The following ANKRD44 variants were observed in gnomAD, a reference collection of about 807,000 sequenced individuals.
ANKRD44 encodes the protein serine/threonine-protein phosphatase 6 regulatory ankyrin repeat subunit B.
Under a neutral mutation model 116.0 loss-of-function variants are expected in ANKRD44, and 35 were observed. The ratio of observed to expected loss-of-function variants is 0.30; its 90% CI spans 0.23 to 0.40. ANKRD44 has a LOEUF of 0.40. ANKRD44 is among the 10% of genes least tolerant of loss of function. The probability of loss-of-function intolerance (pLI) is 1.00; values close to 1 mark genes in which losing one functional copy is unlikely to be tolerated. For missense variants in ANKRD44, 1,014 were observed against 1,242.6 expected (o/e 0.82, Z 2.77); for synonymous variants, 435 against 461.8 (o/e 0.94, Z 0.74).
intron 14 of ANKRD44, 106 bp from the exon 15 acceptor site, chr2:197,081,831 C>A: frequency 1.2e-6 from 1 of 856,306 alleles, no homozygotes; most frequent in Admixed American, 2.2e-5. Context: ...TTACCCCAAC[C>A]CAAAAGAAGT....
intron 1 of ANKRD44, among the ~76,000 whole-genome samples, chr2:197,194,613 G>T (rs2080902778): frequency 6.6e-6 from 1 of 152,088 alleles, no homozygotes; most frequent in African/African-American, 2.4e-5. Context: ...TTCAGCTTCA[G>T]TTTCAACATA....
intron 1 of ANKRD44, among the ~76,000 whole-genome samples, chr2:197,292,446 T>C (rs2083599126): frequency 6.6e-6 from 1 of 152,240 alleles, no homozygotes; most frequent in Non-Finnish European, 1.5e-5. Flanking sequence ...GCTCATGTAT[T>C]TTTTAAGTGA....
chr2:197,204,281 T>A (rs2081156717), intron 1 of ANKRD44, among the ~76,000 whole-genome samples: 1 of 152,052 alleles, frequency 6.6e-6, no homozygotes, highest in East Asian at 1.9e-4. Context: ...TAGAAGAAAA[T>A]TTATAAAAAT....
intron 1 of ANKRD44, among the ~76,000 whole-genome samples, chr2:197,219,645 C>T (rs752998927): frequency 8.5e-5 from 13 of 152,088 alleles, no homozygotes; most frequent in African/African-American, 1.2e-4. Context: ...TGAAAGCAGA[C>T]GGGACCCCAA....
chr2:197,147,690 G>T lies in ANKRD44; in HGVS notation c.112-585C>A, dbSNP rs548670668. On this transcript the variant is annotated intron_variant, in intron 2 of 27. Transcript: ENST00000282272. ...GATGACTACAACAGGCCTGGTCCCT[G>T]CCCTCATGAAACTCACATTCAAGTG... Among the ~76,000 whole-genome samples, 29 of 152,038 alleles carry T rather than the reference G, an allele frequency of 1.9e-4. No homozygotes were observed. The South Asian group carries it at 5.8e-3, about 31-fold the overall frequency.
downstream of ANKRD44, among the ~76,000 whole-genome samples, chr2:196,982,087 AT>A (rs1260601592): frequency 1.0e-5 from 1 of 100,396 alleles, no homozygotes; most frequent in Non-Finnish European, 2.3e-5. Context: ...ATCTCTTCTC[AT>A]TTGTCAATAC....
At chr2:197,179,062 C>T (rs60161827) in intron 2 of ANKRD44, among the ~76,000 whole-genome samples, 43,753 of 101,570 alleles carry the variant, frequency 0.43, 7,067 homozygotes, top group African/African-American at 0.53. Context: ...CAGAGAGAGA[C>T]CCTGACTCTT....
intron 4 of ANKRD44, among the ~76,000 whole-genome samples, chr2:197,129,146 T>C (rs889114088): frequency 1.3e-5 from 2 of 151,708 alleles, no homozygotes; most frequent in Non-Finnish European, 2.9e-5. Context: ...TTTTCTTTTT[T>C]TTTTTTTTGA....
At chr2:196,972,215 A>AT (rs759418879) in intron 21 of ANKRD44, among the ~76,000 whole-genome samples, 3 of 151,962 alleles carry the variant, frequency 2.0e-5, no homozygotes, top group Non-Finnish European at 4.4e-5. Context: ...ATTTTATATT[A>AT]TTTTTTGAGA....
chr2:197,045,802 T>G (rs1018008394), intron 16 of ANKRD44, among the ~76,000 whole-genome samples: 2 of 152,174 alleles, frequency 1.3e-5, no homozygotes, highest in Non-Finnish European at 2.9e-5. Flanking sequence ...TACCTGACTC[T>G]AGACCAGTAT....
intron 3 of ANKRD44, among the ~76,000 whole-genome samples, chr2:197,142,948 T>C (rs968322054): frequency 8.1e-4 from 122 of 150,426 alleles, no homozygotes; most frequent in African/African-American, 2.8e-3. Flanking sequence ...GAGACCAGCC[T>C]GATCAACCTA....
Position 197,191,161 on chromosome 2 carries a change from T to C in ANKRD44, c.28-4055A>G, listed in dbSNP as rs1322953110. Among the ~76,000 whole-genome samples, 5 of 152,224 alleles carry C rather than the reference T, an allele frequency of 3.3e-5. No homozygotes were observed. The East Asian group carries it at 9.6e-4, about 29-fold the overall frequency. ...AAATGATTGTCAGTGCTGCAGATAT[T>C]GGTGCAGTGCCTCTGGTAGATTCAG... On this transcript the variant is annotated intron_variant, in intron 1 of 27. Coordinates refer to ENST00000282272, the MANE Select transcript of ANKRD44 (RefSeq NM_001195144.2).
intron 16 of ANKRD44, among the ~76,000 whole-genome samples, chr2:197,058,164 C>T (rs1227400191): frequency 2.0e-5 from 3 of 152,166 alleles, no homozygotes; most frequent in East Asian, 1.9e-4. Flanking sequence ...TAATAGTCAG[C>T]TTGTTAATTC....
At chr2:197,055,611 T>C (rs1369701983) in intron 16 of ANKRD44, among the ~76,000 whole-genome samples, 2 of 152,208 alleles carry the variant, frequency 1.3e-5, no homozygotes, top group African/African-American at 4.8e-5. Context: ...TTGAATTCAG[T>C]TTTGTATATG....
intron 21 of ANKRD44, among the ~76,000 whole-genome samples, chr2:196,969,843 G>A (rs2075703202): frequency 1.3e-5 from 2 of 152,292 alleles, no homozygotes; most frequent in South Asian, 2.1e-4. Flanking sequence ...AAGGAGTAAT[G>A]AAGAAAATCT....
At chr2:197,026,802 C>G (rs965153430) in intron 16 of ANKRD44, among the ~76,000 whole-genome samples, 1 of 151,950 alleles carries the variant, frequency 6.6e-6, no homozygotes, top group East Asian at 1.9e-4. Flanking sequence ...TGGCTTGGAC[C>G]AGCAAGAAGC....
intron 1 of ANKRD44, among the ~76,000 whole-genome samples, chr2:197,213,203 G>T (rs2081364223): frequency 6.6e-6 from 1 of 152,182 alleles, no homozygotes; most frequent in East Asian, 1.9e-4. Context: ...ACACAGTCTG[G>T]TATATCACCC....
intron 1 of ANKRD44, chr2:197,299,679 G>A (rs572225718): frequency 6.6e-5 from 10 of 152,320 alleles, no homozygotes; most frequent in Non-Finnish European, 1.2e-4. Context: ...GGGGAATCAG[G>A]GAAATGGTGA....
chr2:197,226,719 C>T (rs2081725866), intron 1 of ANKRD44, among the ~76,000 whole-genome samples: 1 of 152,126 alleles, frequency 6.6e-6, no homozygotes, highest in African/African-American at 2.4e-5. Flanking sequence ...TACCACTAAT[C>T]CAGTCCAACC....
Sources: allele counts gnomAD v4.1 joint callset (sites outside exome capture counted in the v4.1 genomes callset), GRCh38; gene constraint gnomAD v4.1.1; transcripts MANE v1.5; gene names NCBI Gene and HGNC (gene_info 2026-07-23, HGNC 2026-07-21).